Variants in HNRNPA1 observed in about 807,000 individuals in gnomAD.
HNRNPA1 encodes the protein heterogeneous nuclear ribonucleoprotein A1, also known as epididymis secretory sperm binding protein.
A neutral mutation model predicts 44.4 loss-of-function variants in HNRNPA1; 7 were observed. The observed-to-expected ratio is 0.16, with a 90% confidence interval of 0.09 to 0.30. The LOEUF is 0.30. Among genes scored for constraint, HNRNPA1 ranks in the 10% least tolerant of loss-of-function variants. The pLI is 1.00. For missense variants in HNRNPA1, 193 were observed against 465.8 expected (o/e 0.41, Z 5.39); for synonymous variants, 169 against 160.6 (o/e 1.05, Z -0.40).
chr12:54,281,735 T>G lies in HNRNPA1; in HGVS notation c.133-60T>G. The G allele has an allele frequency of 2.6e-6, 4 of 1,546,682 alleles. No individual in the cohort carries two copies. In the South Asian group the frequency reaches 4.8e-5, roughly 18 times the overall value. ...AGTTTCCTATTGCCCTATTCAAAGT[T>G]AAAATGACAAAAGCTTTTGCGGTCA... On this transcript the variant is annotated intron_variant, in intron 2 of 10. Transcript: ENST00000340913.
At chr12:54,281,000 C>T (rs557011013) in intron 1 of HNRNPA1, 178 bp downstream of exon 1, 1 of 736,504 alleles carries the variant, frequency 1.4e-6, no homozygotes, top group African/African-American at 1.7e-5. Flanking sequence ...CATGAGGCCG[C>T]TCTCCGCCAA....
intron 1 of HNRNPA1, chr12:54,281,068 C>G (rs992712963): frequency 7.1e-6 from 5 of 704,536 alleles, no homozygotes; most frequent in Non-Finnish European, 1.3e-5. Flanking sequence ...CACACAGGAT[C>G]TTTGTCTTTT....
Position 54,282,554 on chromosome 12 carries a change from T to C in HNRNPA1, c.584-19T>C, listed in dbSNP as rs188366612. ...TACTCCAGTATGAATGATTTAATGC[T>C]TAAACTTCATGTCTTAAGGTCGAAG... On this transcript the variant is annotated intron_variant, in intron 5 of 10. Transcript: ENST00000340913. The C allele has an allele frequency of 3.1e-6, 5 of 1,613,158 alleles. No homozygotes were observed. In the East Asian group the frequency reaches 8.9e-5, roughly 29 times the overall value.
At position 54,285,306 on chromosome 12, in the gene HNRNPA1, C is replaced by T. The variant is rs1284440574; in HGVS notation, c.*762C>T. ...AGATTTGGACTTTCCCTACCCACTC[C>T]CCCTGATAATAATGTTGAATGCTTC... On this transcript the variant is annotated 3_prime_UTR_variant, in exon 11 of 11. Coordinates refer to ENST00000340913, the MANE Select transcript of HNRNPA1 (RefSeq NM_031157.4). 2.0e-5 allele frequency: 3 copies of T among 152,226 alleles called. No homozygotes were observed. Among genetic ancestry groups the T allele is most frequent in the African/African-American group, 7.2e-5 (3 of 41,450 alleles). The allele number at this position is 152,226 out of a possible 1,614,324, so 9.4% of individuals were successfully genotyped here. A position where few individuals can be genotyped will look rare whatever the true frequency, so the allele number is the denominator to read the frequency against.
Position 54,280,726 on chromosome 12 carries a change from A to C in HNRNPA1, c.-82A>C, listed in dbSNP as rs1002789576. 2 of 1,518,704 alleles carry C rather than the reference A, an allele frequency of 1.3e-6. No homozygotes were observed. Among genetic ancestry groups the C allele is most frequent in the Non-Finnish European group, 1.8e-6 (2 of 1,093,494 alleles). 94.1% of individuals were successfully genotyped at this position (1,518,704 alleles called of 1,614,324 possible). The stretch of plus-strand genomic sequence containing the variant: ...AAAGAGAGGGCGAAGGTAGGCTGGC[A>C]GATACGTTCGTCAGCTTGCTCCTTT... On this transcript the variant is annotated 5_prime_UTR_variant, in exon 1 of 11. Transcript: ENST00000340913.
chr12:54,282,434 T>G lies in HNRNPA1; in HGVS notation c.531T>G (p.Val177=), dbSNP rs200643019. The change falls in exon 5 of 11, where the codon GTT becomes GTG. Residue 177 remains valine, a synonymous_variant. Transcript: ENST00000340913. ...CTGTGAATGGCCACAACTGTGAAGTTAGAAAAGCCCTGTCAAAGCAAGAGA... is the reference window on the plus strand; with the variant it reads ...CTGTGAATGGCCACAACTGTGAAGTGAGAAAAGCCCTGTCAAAGCAAGAGA... ...YHTVNGHNCE[V]RKALSKQEMA... 3.2e-5 allele frequency: 51 copies of G among 1,613,750 alleles called. No homozygotes were observed. The highest frequency in any genetic ancestry group is 6.7e-5 in the African/African-American group (5 of 75,058).
At chr12:54,281,976 T>A (rs1488375280) in intron 3 of HNRNPA1, 35 bp downstream of exon 3, 2 of 1,610,922 alleles carry the variant, frequency 1.2e-6, no homozygotes, top group Non-Finnish European at 1.7e-6. Flanking sequence ...TTCTTAAACT[T>A]ACTTGGATAT....
intron 1 of HNRNPA1, 97 bp downstream of exon 1, chr12:54,280,919 A>G: frequency 7.3e-6 from 10 of 1,371,272 alleles, no homozygotes; most frequent in African/African-American, 1.4e-5. Flanking sequence ...AGCCCATTCT[A>G]CAGTTCCTTC....
chr12:54,280,727 G>C lies in HNRNPA1; in HGVS notation c.-81G>C. ...AAGAGAGGGCGAAGGTAGGCTGGCA[G>C]ATACGTTCGTCAGCTTGCTCCTTTC... On this transcript the variant is annotated 5_prime_UTR_variant, in exon 1 of 11. Transcript: ENST00000340913. 6.5e-7 allele frequency: 1 copy of C among 1,534,238 alleles called. No individual in the cohort carries two copies.
In HNRNPA1 at chr12:54,282,892, A is replaced by G. The variant is rs1210257609; in HGVS notation, c.751+18A>G. 1 of 1,541,844 alleles carries G rather than the reference A, an allele frequency of 6.5e-7. No individual in the cohort carries two copies. The highest frequency in any genetic ancestry group is 2.4e-5 in the East Asian group (1 of 40,872). ...TAATGATGGTAAGTTTTTTAGGAAT[A>G]AGTAGAGAAAAATTCCTGGCAACCT... On this transcript the variant is annotated intron_variant, in intron 7 of 10. Coordinates refer to ENST00000340913, the MANE Select transcript of HNRNPA1 (RefSeq NM_031157.4).
rs1944261381 is a variant in HNRNPA1, at chr12:54,286,289, A to G, written c.*1745A>G. 6.6e-6 allele frequency: 1 copy of G among 152,174 alleles called. No homozygotes were observed. The highest frequency in any genetic ancestry group is 1.5e-5 in the Non-Finnish European group (1 of 68,032). The allele number at this position is 152,174 out of a possible 1,614,324, so 9.4% of individuals were successfully genotyped here. ...AGGTTTTATTGCTATGCGGGTAGGTAAGAACAGATTTTACTTACATCCATA... is the reference window on the plus strand; with the variant it reads ...AGGTTTTATTGCTATGCGGGTAGGTGAGAACAGATTTTACTTACATCCATA... On this transcript the variant is annotated 3_prime_UTR_variant, in exon 11 of 11. Transcript: ENST00000340913.
chr12:54,282,041 T>G, intron 3 of HNRNPA1, 49 bp from the exon 4 acceptor site: 1 of 1,597,942 alleles, frequency 6.3e-7, no homozygotes, highest in East Asian at 2.2e-5. Context: ...AAATTTTTTA[T>G]TCGAGTATAG....
intron 2 of HNRNPA1, 145 bp from the exon 3 acceptor site, chr12:54,281,650 C>A: frequency 1.9e-6 from 2 of 1,039,256 alleles, no homozygotes; most frequent in Non-Finnish European, 2.9e-6. Context: ...ATTTTAAAAG[C>A]TACCTCTTAA....
intron 2 of HNRNPA1, 50 bp from the exon 3 acceptor site, chr12:54,281,743 CAA>C (rs1944175558): frequency 1.9e-6 from 3 of 1,564,072 alleles, no homozygotes; most frequent in East Asian, 2.3e-5. Flanking sequence ...GTTAAAATGA[CAA>C]AAGCTTTTGC....
chr12:54,282,978 C>A, intron 7 of HNRNPA1, 101 bp from the exon 8 acceptor site: 1 of 1,490,826 alleles, frequency 6.7e-7, no homozygotes, highest in South Asian at 1.2e-5. Context: ...TCAACTTTGC[C>A]CATAACACGC....
Position 54,282,787 on chromosome 12 carries a change from C to T in HNRNPA1, c.677-13C>T. The T allele has an allele frequency of 6.4e-7, 1 of 1,555,784 alleles. No homozygotes were observed. The highest frequency in any genetic ancestry group is 8.7e-7 in the Non-Finnish European group (1 of 1,148,904). On this transcript the variant is annotated splice_polypyrimidine_tract_variant and intron_variant, in intron 6 of 10. Coordinates refer to ENST00000340913, the MANE Select transcript of HNRNPA1 (RefSeq NM_031157.4). ...TCCAAGTCATACTTAAAACTTGAAA[C>T]TTTTTCTTACAGGTGGCTTTGGTGG...
In HNRNPA1 at chr12:54,285,605, C is replaced by T. The variant is rs894007567; in HGVS notation, c.*1061C>T. The T allele has an allele frequency of 2.0e-5, 3 of 152,084 alleles. No individual in the cohort carries two copies. Among genetic ancestry groups the T allele is most frequent in the Admixed American group, 6.5e-5 (1 of 15,276 alleles). 9.4% of individuals were successfully genotyped at this position (152,084 alleles called of 1,614,324 possible). On this transcript the variant is annotated 3_prime_UTR_variant, in exon 11 of 11. Transcript: ENST00000340913. Reference sequence around the variant, plus strand: ...TACCAATAGAAACTAAATTTTTCTACATAATTTCATGTTAACTGCAGTTTC... The same window carrying T: ...TACCAATAGAAACTAAATTTTTCTATATAATTTCATGTTAACTGCAGTTTC...
At chr12:54,281,578 T>C in intron 2 of HNRNPA1, 76 bp downstream of exon 2, 1 of 1,111,382 alleles carries the variant, frequency 9.0e-7, no homozygotes, top group East Asian at 2.3e-5. Context: ...CTCCGAATGC[T>C]TATGAAAGTA....
chr12:54,283,057 G>C (rs754928681), intron 7 of HNRNPA1, 22 bp from the exon 8 acceptor site: 4 of 1,610,250 alleles, frequency 2.5e-6, no homozygotes, highest in Non-Finnish European at 3.4e-6. Context: ...TTGTCTTATT[G>C]AGAAGAATTG....
Sources: gnomAD v4.1 joint callset for allele counts on GRCh38, gnomAD v4.1.1 for gene constraint, MANE v1.5 for transcripts, NCBI Gene and HGNC (gene_info 2026-07-23, HGNC 2026-07-21) for gene names.